PEBP4: variants seen among roughly 807,000 people sequenced by gnomAD.
The protein encoded by PEBP4 is phosphatidylethanolamine-binding protein 4.
PEBP4 carries 22 observed loss-of-function variants against 23.9 expected under a neutral mutation model. The observed-to-expected ratio is 0.92, with a 90% CI of 0.66 to 1.31. PEBP4 has a LOEUF of 1.31. PEBP4 is among the 40% of genes most tolerant of loss of function. PEBP4 has a pLI of 0.00. For synonymous variants in PEBP4, 112 were observed against 99.3 expected (o/e 1.13, Z -0.76); for missense variants, 324 against 281.7 (o/e 1.15, Z -1.07).
At chr8:22,876,988 A>G (rs1397329415) in intron 3 of PEBP4, among the ~76,000 whole-genome samples, 1 of 152,274 alleles carries the variant, frequency 6.6e-6, no homozygotes, top group Non-Finnish European at 1.5e-5. Flanking sequence ...ACTGAAATGT[A>G]CATTTCATAG....
At chr8:22,763,719 C>G (rs183754696) in intron 4 of PEBP4, among the ~76,000 whole-genome samples, 1 of 152,168 alleles carries the variant, frequency 6.6e-6, no homozygotes, top group East Asian at 1.9e-4. Flanking sequence ...CCTTCTCAAC[C>G]GAGCTCTTTC....
At chr8:22,717,960 G>A (rs1804448203) in intron 6 of PEBP4, among the ~76,000 whole-genome samples, 1 of 152,158 alleles carries the variant, frequency 6.6e-6, no homozygotes. Context: ...GGTGGTAGGC[G>A]GGAGGCCTGA....
Position 22,920,178 on chromosome 8 carries a change from A to G in PEBP4, c.258+6T>C. ...CCCCCGCTTTAACACAGCCCTGCTC[A>G]CTCACGTCCACGGCCCCCGGGAACT... On this transcript the variant is annotated splice_donor_region_variant and intron_variant, in intron 3 of 6. Transcript: ENST00000256404. 1 of 1,600,886 alleles carries G rather than the reference A, an allele frequency of 6.2e-7. No individual in the cohort carries two copies.
chr8:22,923,453 G>A (rs1809254365), intron 2 of PEBP4, among the ~76,000 whole-genome samples: 1 of 152,148 alleles, frequency 6.6e-6, no homozygotes, highest in South Asian at 2.1e-4. Context: ...CTGTAGTCCA[G>A]CTATATGGGA....
chr8:22,926,014 C>T (rs1478409141), intron 2 of PEBP4, among the ~76,000 whole-genome samples: 3 of 152,258 alleles, frequency 2.0e-5, no homozygotes, highest in East Asian at 1.9e-4. Flanking sequence ...CTTGGTCTGT[C>T]GCCCAGGCTA....
At chr8:22,846,470 A>G (rs889020158) in intron 3 of PEBP4, among the ~76,000 whole-genome samples, 1 of 152,120 alleles carries the variant, frequency 6.6e-6, no homozygotes. Flanking sequence ...GAGAAATCGC[A>G]TCAGGTTCCC....
At chr8:22,810,012 C>G (rs961667044) in intron 4 of PEBP4, among the ~76,000 whole-genome samples, 2 of 152,226 alleles carry the variant, frequency 1.3e-5, no homozygotes, top group Non-Finnish European at 2.9e-5. Context: ...AGTTCTTGTG[C>G]AGTTCAAATT....
In PEBP4 at chr8:22,927,905, T is replaced by C. The variant is rs1042303373; in HGVS notation, c.-89A>G. ...GTCCACCACCCGGACACAAGTACTT[T>C]GGGAGGACTGGGCCTCTTCCAAGTT... On this transcript the variant is annotated 5_prime_UTR_variant, in exon 1 of 7. Coordinates refer to ENST00000256404, the MANE Select transcript of PEBP4 (RefSeq NM_144962.3). The C allele has an allele frequency of 1.2e-4, 72 of 608,854 alleles. No homozygotes were observed. Among genetic ancestry groups the C allele is most frequent in the Non-Finnish European group, 1.9e-4 (70 of 363,268 alleles). The allele number at this position is 608,854 out of a possible 1,614,324, so 37.7% of individuals were successfully genotyped here. A position where few individuals can be genotyped will look rare whatever the true frequency, so the allele number is the denominator to read the frequency against.
chr8:22,821,002 G>A (rs896208868), intron 3 of PEBP4, among the ~76,000 whole-genome samples: 1 of 151,906 alleles, frequency 6.6e-6, no homozygotes, highest in Non-Finnish European at 1.5e-5. Context: ...AGACCCACCT[G>A]GGCAACATGG....
chr8:22,767,808 C>T (rs1046691431), intron 4 of PEBP4, among the ~76,000 whole-genome samples: 1 of 152,102 alleles, frequency 6.6e-6, no homozygotes, highest in East Asian at 1.9e-4. Context: ...ACGCTGGGCT[C>T]GGCTCACTGC....
chr8:22,846,832 T>C (rs1807447166), intron 3 of PEBP4, among the ~76,000 whole-genome samples: 1 of 152,084 alleles, frequency 6.6e-6, no homozygotes, highest in Non-Finnish European at 1.5e-5. Flanking sequence ...AGATTGCCTG[T>C]GTAGAGACAA....
chr8:22,759,101 G>T (rs1453985566), intron 4 of PEBP4, among the ~76,000 whole-genome samples: 2 of 152,158 alleles, frequency 1.3e-5, no homozygotes, highest in Non-Finnish European at 2.9e-5. Flanking sequence ...ATCCCAGGTG[G>T]CTAGAGTGGC....
At chr8:22,924,652 G>A (rs968171492) in intron 2 of PEBP4, 180 of 985,146 alleles carry the variant, frequency 1.8e-4, no homozygotes, top group Admixed American at 7.4e-4. Context: ...AAAGCAGGAC[G>A]CTTTGAGCAG....
chr8:22,753,026 G>A (rs2128751990), intron 4 of PEBP4, among the ~76,000 whole-genome samples: 1 of 152,310 alleles, frequency 6.6e-6, no homozygotes, highest in East Asian at 1.9e-4. Context: ...AATGGAGCAG[G>A]TTAATCAGAT....
At position 22,934,836 on chromosome 8, in the gene PEBP4, G is replaced by A. The variant is rs73557821; in HGVS notation, c.145-7116C>T. 3.8e-3 allele frequency among the ~76,000 whole-genome samples: 585 copies of A among 152,282 alleles called. 5 individuals are homozygous for A. Among genetic ancestry groups the A allele is most frequent in the African/African-American group, 0.013 (553 of 41,544 alleles). ...TCAAAAGTTATAAACTGGCAGATTA[G>A]ATTTTTTAAAAATGATTCAATTATA... is the stretch of plus-strand genomic sequence containing the variant. On this transcript the variant is annotated intron_variant, in intron 1 of 1. Coordinates refer to the PEBP4 transcript ENST00000522278.
chr8:22,768,476 C>A (rs142042888), intron 4 of PEBP4, among the ~76,000 whole-genome samples: 2,544 of 152,280 alleles, frequency 0.017, 32 homozygotes, highest in South Asian at 0.089. Flanking sequence ...GCCAAGCAGA[C>A]CCCCCATCCC....
At chr8:22,837,436 C>T (rs764384564) in intron 3 of PEBP4, among the ~76,000 whole-genome samples, 3 of 152,218 alleles carry the variant, frequency 2.0e-5, no homozygotes, top group East Asian at 1.9e-4. Flanking sequence ...ATTGGAAAGA[C>T]GTAGAATTGG....
chr8:22,789,380 G>A (rs1217063668), intron 4 of PEBP4, among the ~76,000 whole-genome samples: 1 of 152,126 alleles, frequency 6.6e-6, no homozygotes, highest in Non-Finnish European at 1.5e-5. Context: ...GGGAAGTCTA[G>A]ACAGTGACTA....
chr8:22,724,379 C>T (rs997251389), intron 6 of PEBP4, among the ~76,000 whole-genome samples: 7 of 152,200 alleles, frequency 4.6e-5, no homozygotes, highest in Non-Finnish European at 1.0e-4. Flanking sequence ...GACATCTTCC[C>T]CTCATCACTG....
Sources: allele counts gnomAD v4.1 joint callset (sites outside exome capture counted in the v4.1 genomes callset), GRCh38; gene constraint gnomAD v4.1.1; transcripts MANE v1.5; gene names NCBI Gene and HGNC (gene_info 2026-07-23, HGNC 2026-07-21).